Variants in GLYR1 observed in about 807,000 individuals in gnomAD.
GLYR1 encodes cytokine-like nuclear factor N-PAC.
GLYR1 carries 21 observed loss-of-function variants against 72.7 expected under a neutral mutation model. The observed-to-expected ratio is 0.29, with a 90% CI of 0.20 to 0.42. GLYR1 has a LOEUF of 0.42. Ranked by LOEUF, GLYR1 falls within the 10% of genes least tolerant of loss-of-function variation. The probability of loss-of-function intolerance (pLI) is 1.00; values close to 1 mark genes in which losing one functional copy is unlikely to be tolerated. For synonymous variants in GLYR1, 392 were observed against 270.2 expected (o/e 1.45, Z -4.42); for missense variants, 594 against 712.1 (o/e 0.83, Z 1.89).
At position 4,841,671 on chromosome 16, in the gene GLYR1, AC is replaced by A. The variant is rs1245088025; in HGVS notation, c.155+3402del. 4.6e-5 allele frequency among the ~76,000 whole-genome samples: 7 copies of A among 151,890 alleles called. No homozygotes were observed. In the South Asian group the frequency reaches 8.4e-4, roughly 18 times the overall value. On this transcript the variant is annotated intron_variant, in intron 3 of 15. Transcript: ENST00000321919. ...AACAAGAACAACAACAACAACAACA[AC>A]AACAAAAAACATAAGGAAACAATGG...
chr16:4,847,019 G>A (rs2086182665), intron 1 of GLYR1: 11 of 560,994 alleles, frequency 2.0e-5, no homozygotes, highest in East Asian at 3.3e-5. Flanking sequence ...GATCAAAGCC[G>A]GTGCCCGACG....
intron 2 of GLYR1, among the ~76,000 whole-genome samples, chr16:4,845,803 T>C (rs1300179050): frequency 6.6e-6 from 1 of 152,228 alleles, no homozygotes; most frequent in African/African-American, 2.4e-5. Flanking sequence ...TAAACTTAGT[T>C]GGGACAAAAA....
chr16:4,847,199 T>C, intron 1 of GLYR1, 29 bp downstream of exon 1: 1 of 1,590,806 alleles, frequency 6.3e-7, no homozygotes, highest in East Asian at 2.3e-5. Flanking sequence ...CCCCGGCGCG[T>C]CTCGGTTGGC....
At chr16:4,826,810 T>C (rs1041222803) in intron 5 of GLYR1, among the ~76,000 whole-genome samples, 18 of 152,226 alleles carry the variant, frequency 1.2e-4, no homozygotes, top group Admixed American at 9.8e-4. Flanking sequence ...AAATGGCCAA[T>C]TGTGGCTGGG....
chr16:4,821,493 G>A (rs766328738), intron 8 of GLYR1, 40 bp from the exon 9 acceptor site: 11 of 1,613,836 alleles, frequency 6.8e-6, no homozygotes, highest in Middle Eastern at 1.7e-4. Flanking sequence ...CAGTCTGCCT[G>A]CAGTTTAAGG....
rs771668629 is a variant in GLYR1, at chr16:4,823,786, C to G, written c.624+35G>C. On this transcript the variant is annotated intron_variant, in intron 6 of 15. Transcript: ENST00000321919. ...GATCACACAGGAACCTCGCCCTAAG[C>G]CACAGCTTGTCCTGCCTGCAGGAGA... The G allele has an allele frequency of 1.7e-5, 26 of 1,569,376 alleles. No homozygotes were observed. The South Asian group carries it at 2.8e-4, about 17-fold the overall frequency.
chr16:4,808,254 A>G (rs1375215723), intron 15 of GLYR1, among the ~76,000 whole-genome samples: 1 of 151,484 alleles, frequency 6.6e-6, no homozygotes, highest in Non-Finnish European at 1.5e-5. Context: ...AAAAAAAAAA[A>G]AATACAATTC....
At chr16:4,825,812 C>T (rs571356819) in intron 5 of GLYR1, among the ~76,000 whole-genome samples, 1 of 152,158 alleles carries the variant, frequency 6.6e-6, no homozygotes, top group East Asian at 1.9e-4. Flanking sequence ...GCCACCATGC[C>T]CAGCTAATTT....
intron 5 of GLYR1, among the ~76,000 whole-genome samples, chr16:4,830,839 C>T (rs536049357): frequency 5.3e-5 from 8 of 152,312 alleles, no homozygotes; most frequent in Admixed American, 5.2e-4. Flanking sequence ...GCCCCAAGCA[C>T]GGCATTCTTG....
intron 5 of GLYR1, among the ~76,000 whole-genome samples, chr16:4,825,854 A>G (rs947390881): frequency 6.6e-6 from 1 of 151,848 alleles, no homozygotes; most frequent in Non-Finnish European, 1.5e-5. Flanking sequence ...GGGTTTCACC[A>G]TGTTAGCCAG....
At chr16:4,830,217 T>A (rs1022161566) in intron 5 of GLYR1, among the ~76,000 whole-genome samples, 9 of 150,260 alleles carry the variant, frequency 6.0e-5, no homozygotes, top group Admixed American at 3.3e-4. Context: ...CTGGCCAACT[T>A]TGTCTTTTTT....
Position 4,818,238 on chromosome 16 carries a change from C to A in GLYR1, c.807-541G>T, listed in dbSNP as rs996755518. Among the ~76,000 whole-genome samples, 4 of 152,204 alleles carry A rather than the reference C, an allele frequency of 2.6e-5. No homozygotes were observed. The East Asian group carries it at 7.7e-4, about 29-fold the overall frequency. The stretch of plus-strand genomic sequence containing the variant: ...TCAAACTCCTGACCTCGTGATCTGC[C>A]CACCTCGGCCTCCCAAAGTGCTCGG... On this transcript the variant is annotated intron_variant, in intron 9 of 15. Coordinates refer to ENST00000321919, the MANE Select transcript of GLYR1 (RefSeq NM_032569.4).
chr16:4,823,773 A>G (rs1288428391), intron 6 of GLYR1, 48 bp downstream of exon 6: 2 of 1,406,794 alleles, frequency 1.4e-6, no homozygotes, highest in African/African-American at 2.9e-5. Flanking sequence ...TCACACAGGA[A>G]CCTCGCCCTA....
At chr16:4,839,452 T>G (rs959688100) in intron 3 of GLYR1, 2 of 152,160 alleles carry the variant, frequency 1.3e-5, no homozygotes, top group Non-Finnish European at 2.9e-5. Context: ...TCACCACTAA[T>G]CAGACCTGTC....
intron 6 of GLYR1, among the ~76,000 whole-genome samples, chr16:4,823,303 G>T (rs1478432452): frequency 6.6e-6 from 1 of 152,178 alleles, no homozygotes; most frequent in African/African-American, 2.4e-5. Flanking sequence ...TCAGGGTTTT[G>T]GCCTACTTGT....
At chr16:4,832,508 G>C (rs1280726136) in intron 4 of GLYR1, 1 of 570,546 alleles carries the variant, frequency 1.8e-6, no homozygotes, top group Non-Finnish European at 3.0e-6. Flanking sequence ...ATGAAAGGAA[G>C]AAATGGCCTG....
intron 15 of GLYR1, among the ~76,000 whole-genome samples, chr16:4,808,011 G>A (rs749728506): frequency 1.7e-4 from 26 of 152,232 alleles, no homozygotes; most frequent in East Asian, 7.7e-4. Context: ...CAAGGCAGGC[G>A]GATTACTTGA....
chr16:4,820,964 A>G (rs2083981110), intron 9 of GLYR1, among the ~76,000 whole-genome samples: 1 of 152,224 alleles, frequency 6.6e-6, no homozygotes, highest in South Asian at 2.1e-4. Context: ...CCTCATCATG[A>G]TTCTACTCAG....
chr16:4,834,684 T>C (rs2085022911), intron 3 of GLYR1, among the ~76,000 whole-genome samples: 1 of 151,828 alleles, frequency 6.6e-6, no homozygotes, highest in Non-Finnish European at 1.5e-5. Context: ...CAGGCTGGTC[T>C]TGAACTTCTG....
Sources: allele counts gnomAD v4.1 joint callset (sites outside exome capture counted in the v4.1 genomes callset), GRCh38; gene constraint gnomAD v4.1.1; transcripts MANE v1.5; gene names NCBI Gene and HGNC (gene_info 2026-07-23, HGNC 2026-07-21).